PPP3CA: variants seen among roughly 807,000 people sequenced by gnomAD.
The protein encoded by PPP3CA is protein phosphatase 3 catalytic subunit alpha.
A neutral mutation model predicts 66.5 loss-of-function variants in PPP3CA; 14 were observed. The ratio of observed to expected loss-of-function variants is 0.21; its 90% CI spans 0.14 to 0.33. PPP3CA has a LOEUF of 0.33. PPP3CA is among the 10% of genes least tolerant of loss of function. The pLI is 1.00. For synonymous variants in PPP3CA, 232 were observed against 226.2 expected (o/e 1.03, Z -0.23); for missense variants, 317 against 639.5 (o/e 0.50, Z 5.44).
intron 2 of PPP3CA, among the ~76,000 whole-genome samples, chr4:101,136,225 T>C (rs1722616040): frequency 6.6e-5 from 10 of 152,202 alleles, no homozygotes; most frequent in Admixed American, 6.5e-4. Context: ...ATCAGTATCA[T>C]TCATGTTTTT....
At chr4:101,265,842 G>A (rs1160320598) in intron 1 of PPP3CA, among the ~76,000 whole-genome samples, 1 of 152,104 alleles carries the variant, frequency 6.6e-6, no homozygotes, top group African/African-American at 2.4e-5. Flanking sequence ...AGTAGAGAAA[G>A]ACCTGGTCAT....
At chr4:101,067,056 T>C (rs919234840) in intron 8 of PPP3CA, among the ~76,000 whole-genome samples, 4 of 152,144 alleles carry the variant, frequency 2.6e-5, no homozygotes, top group Non-Finnish European at 2.9e-5. Context: ...GTGACATACA[T>C]GCAGGCCTGA....
Position 101,025,668 on chromosome 4 carries a change from C to T in PPP3CA, c.*197G>A. On this transcript the variant is annotated 3_prime_UTR_variant, in exon 14 of 14. Coordinates refer to ENST00000394854, the MANE Select transcript of PPP3CA (RefSeq NM_000944.5). ...CCAAAAGAGGTGTTTAATCACCATC[C>T]CCACCAAAATATAGTTTATTATCTC... 2.1e-6 allele frequency: 1 copy of T among 465,850 alleles called. No individual in the cohort carries two copies. The highest frequency in any genetic ancestry group is 5.9e-4 in the Middle Eastern group (1 of 1,702). The allele number at this position is 465,850 out of a possible 1,614,324, so 28.9% of individuals were successfully genotyped here.
intron 1 of PPP3CA, among the ~76,000 whole-genome samples, chr4:101,213,961 A>T (rs1385378555): frequency 6.6e-6 from 1 of 152,162 alleles, no homozygotes; most frequent in Non-Finnish European, 1.5e-5. Flanking sequence ...GACAAGTGAC[A>T]GGGTTGCCAC....
chr4:101,287,809 G>A (rs1208904583), intron 1 of PPP3CA, among the ~76,000 whole-genome samples: 1 of 150,836 alleles, frequency 6.6e-6, no homozygotes, highest in Non-Finnish European at 1.5e-5. Context: ...GCCTAAAGGA[G>A]TTTTCAGTAA....
At chr4:101,041,989 T>G (rs1196141566) in intron 10 of PPP3CA, among the ~76,000 whole-genome samples, 1 of 152,120 alleles carries the variant, frequency 6.6e-6, no homozygotes, top group Non-Finnish European at 1.5e-5. Context: ...TAATTTGTGG[T>G]AACAGCAAGC....
intron 1 of PPP3CA, among the ~76,000 whole-genome samples, chr4:101,225,244 A>C (rs529165060): frequency 8.2e-6 from 1 of 122,092 alleles, no homozygotes; most frequent in South Asian, 2.6e-4. Context: ...ACTAGAATGG[A>C]AGCTTCATGA....
intron 2 of PPP3CA, among the ~76,000 whole-genome samples, chr4:101,175,854 G>A (rs1724042502): frequency 6.6e-6 from 1 of 152,060 alleles, no homozygotes; most frequent in Admixed American, 6.6e-5. Flanking sequence ...CCACACAGAG[G>A]AGTTAAGTTT....
At chr4:101,096,215 G>A (rs1730189166) in intron 5 of PPP3CA, among the ~76,000 whole-genome samples, 1 of 152,062 alleles carries the variant, frequency 6.6e-6, no homozygotes, top group Non-Finnish European at 1.5e-5. Context: ...GGAAGAACTT[G>A]AATGTTTTAT....
intron 1 of PPP3CA, among the ~76,000 whole-genome samples, chr4:101,306,089 T>C (rs72681098): frequency 0.015 from 2,221 of 152,132 alleles, 34 homozygotes; most frequent in Admixed American, 0.021. Flanking sequence ...CCACCACAAA[T>C]ACAAGAGCTA....
At chr4:101,320,581 A>G (rs1014402800) in intron 1 of PPP3CA, among the ~76,000 whole-genome samples, 11 of 152,106 alleles carry the variant, frequency 7.2e-5, no homozygotes, top group African/African-American at 2.6e-4. Context: ...GTGATTGGTC[A>G]TGTTTCTTAG....
At chr4:101,043,806 C>T (rs2110213089) in intron 10 of PPP3CA, among the ~76,000 whole-genome samples, 1 of 151,876 alleles carries the variant, frequency 6.6e-6, no homozygotes, top group East Asian at 2.0e-4. Context: ...ACCTGGGAGG[C>T]AGAGGTTGCG....
At chr4:101,253,481 G>T (rs922297370) in intron 1 of PPP3CA, among the ~76,000 whole-genome samples, 1 of 151,912 alleles carries the variant, frequency 6.6e-6, no homozygotes, top group African/African-American at 2.4e-5. Flanking sequence ...ACCTTCAAGG[G>T]TTACATTCTA....
At chr4:101,318,395 G>A (rs1397291552) in intron 1 of PPP3CA, among the ~76,000 whole-genome samples, 1 of 152,094 alleles carries the variant, frequency 6.6e-6, no homozygotes, top group Non-Finnish European at 1.5e-5. Flanking sequence ...ATTTTTCCTT[G>A]AATAATGAAA....
intron 1 of PPP3CA, among the ~76,000 whole-genome samples, chr4:101,231,707 G>A (rs3827773): frequency 0.67 from 101,657 of 151,580 alleles, 34,985 homozygotes; most frequent in Middle Eastern, 0.76. Context: ...TCCCTCCATG[G>A]GATCATGACT....
At chr4:101,299,709 C>G (rs945670545) in intron 1 of PPP3CA, among the ~76,000 whole-genome samples, 1 of 151,860 alleles carries the variant, frequency 6.6e-6, no homozygotes, top group African/African-American at 2.4e-5. Context: ...TTTTAAATAC[C>G]CCCATTGTAC....
intron 6 of PPP3CA, among the ~76,000 whole-genome samples, chr4:101,091,795 G>T (rs1450212356): frequency 1.3e-5 from 2 of 148,980 alleles, no homozygotes; most frequent in African/African-American, 4.9e-5. Flanking sequence ...TAACTTCAGG[G>T]AACATCAGGT....
intron 1 of PPP3CA, among the ~76,000 whole-genome samples, chr4:101,346,202 A>AG (rs892376109): frequency 3.3e-5 from 5 of 149,850 alleles, no homozygotes; most frequent in East Asian, 2.0e-4. Context: ...GGGGAGGGGG[A>AG]GGGGGGCGCG....
At chr4:101,330,446 C>T (rs1303623229) in intron 1 of PPP3CA, 1 of 533,258 alleles carries the variant, frequency 1.9e-6, no homozygotes, top group South Asian at 1.4e-5. Flanking sequence ...AAGCAACAGC[C>T]ACCCCAAGAC....
Sources: allele counts gnomAD v4.1 joint callset (sites outside exome capture counted in the v4.1 genomes callset), GRCh38; gene constraint gnomAD v4.1.1; transcripts MANE v1.5; gene names NCBI Gene and HGNC (gene_info 2026-07-23, HGNC 2026-07-21).